Variants in PCDHGA1 observed in about 807,000 individuals in gnomAD.
The protein encoded by PCDHGA1 is protocadherin gamma subfamily A, 1.
PCDHGA1 carries 32 observed loss-of-function variants against 58.0 expected under a neutral mutation model. The observed-to-expected ratio is 0.55, with a 90% confidence interval of 0.42 to 0.74. The LOEUF (loss-of-function observed/expected upper bound fraction) is 0.74, where lower values mean the gene tolerates loss of function less well. Ranked by LOEUF, PCDHGA1 falls within the 30% of genes least tolerant of loss-of-function variation. The pLI, the probability that PCDHGA1 is intolerant of heterozygous loss-of-function variation, is 0.00. For missense variants in PCDHGA1, 1,205 were observed against 1,182.3 expected (o/e 1.02, Z -0.28); for synonymous variants, 498 against 501.1 (o/e 0.99, Z 0.08).
At chr5:141,460,465 AAAGG>A (rs2098989932) in intron 1 of PCDHGA1, among the ~76,000 whole-genome samples, 1 of 152,088 alleles carries the variant, frequency 6.6e-6, no homozygotes, top group Non-Finnish European at 1.5e-5. Context: ...ATTTTTTTCC[AAAGG>A]AATATCCAAT....
At chr5:141,399,825 C>G (rs1439243162) in intron 1 of PCDHGA1, 14 of 1,613,060 alleles carry the variant, frequency 8.7e-6, no homozygotes, top group Non-Finnish European at 1.2e-5. Context: ...TGGGTCCCGA[C>G]GGCTCTGCGC....
intron 1 of PCDHGA1, among the ~76,000 whole-genome samples, chr5:141,434,616 T>C (rs911085192): frequency 1.3e-5 from 2 of 152,204 alleles, no homozygotes; most frequent in East Asian, 1.9e-4. Context: ...TCCGCCCATC[T>C]CTTCGTTTCC....
At chr5:141,394,753 A>G (rs2093084981) in intron 1 of PCDHGA1, 1 of 1,613,278 alleles carries the variant, frequency 6.2e-7, no homozygotes, top group Admixed American at 1.7e-5. Context: ...GTGGCCGTCC[A>G]GGACCATGGC....
At chr5:141,344,597 G>C (rs199666918) in intron 1 of PCDHGA1, 1 of 1,613,810 alleles carries the variant, frequency 6.2e-7, no homozygotes, top group African/African-American at 1.3e-5. Flanking sequence ...TCTCTGAGGG[G>C]GCCAAGTATC....
At chr5:141,488,011 T>C (rs1424799954) in intron 1 of PCDHGA1, among the ~76,000 whole-genome samples, 1 of 152,182 alleles carries the variant, frequency 6.6e-6, no homozygotes, top group Non-Finnish European at 1.5e-5. Context: ...GATTCTGAAG[T>C]ACCTTAACTC....
rs748223478 is a variant in PCDHGA1 at position 141,415,687 on chromosome 5, G to T, written c.2422-79120G>T. ...TTACTTTGAAGTTTGCGGCATGATG[G>T]TGGAAAGTGTAAATGCTAAAACACT... On this transcript the variant is annotated intron_variant, in intron 1 of 3. Coordinates refer to ENST00000517417, the MANE Select transcript of PCDHGA1 (RefSeq NM_018912.3). 1.1e-5 allele frequency: 17 copies of T among 1,535,300 alleles called. No individual in the cohort carries two copies. In the South Asian group the frequency reaches 1.3e-4, roughly 12 times the overall value.
chr5:141,385,418 A>T (rs1317845643), intron 1 of PCDHGA1: 10 of 1,466,496 alleles, frequency 6.8e-6, no homozygotes, highest in Non-Finnish European at 8.1e-6. Context: ...ATAGGGATTT[A>T]AAAAACTTTA....
intron 1 of PCDHGA1, chr5:141,415,362 G>A (rs769596449): frequency 4.3e-6 from 7 of 1,614,126 alleles, no homozygotes; most frequent in African/African-American, 1.3e-5. Context: ...CACGCCTGCT[G>A]CAGGCTTCAG....
At chr5:141,393,167 G>C (rs889451396) in intron 1 of PCDHGA1, 17 of 1,613,166 alleles carry the variant, frequency 1.1e-5, no homozygotes, top group East Asian at 2.2e-5. Context: ...AACTCTTTGG[G>C]GTAGAAATAG....
intron 1 of PCDHGA1, chr5:141,392,909 C>T: frequency 1.2e-6 from 2 of 1,613,876 alleles, no homozygotes; most frequent in Admixed American, 3.3e-5. Flanking sequence ...GACAGATTCG[C>T]TACTCTGTGC....
chr5:141,370,805 C>A, intron 1 of PCDHGA1: 2 of 1,614,026 alleles, frequency 1.2e-6, no homozygotes, highest in Non-Finnish European at 1.7e-6. Context: ...GCCAAAATAT[C>A]ACTGAGCTGG....
At chr5:141,408,815 C>T (rs770899981) in intron 1 of PCDHGA1, 1 of 1,613,406 alleles carries the variant, frequency 6.2e-7, no homozygotes, top group Non-Finnish European at 8.5e-7. Flanking sequence ...CCGGGAAGAA[C>T]AGAGATCTCA....
At chr5:141,415,754 T>TTG in intron 1 of PCDHGA1, 4 of 1,385,736 alleles carry the variant, frequency 2.9e-6, no homozygotes, top group South Asian at 1.7e-5. Flanking sequence ...TTTTTTTTTT[T>TTG]TTTTTTTTTT....
At chr5:141,368,813 A>G (rs529134948) in intron 1 of PCDHGA1, among the ~76,000 whole-genome samples, 1 of 152,204 alleles carries the variant, frequency 6.6e-6, no homozygotes, top group African/African-American at 2.4e-5. Flanking sequence ...TGAAGTGTTC[A>G]TACAATGAAC....
At chr5:141,365,366 G>T (rs764735476) in intron 1 of PCDHGA1, 1 of 1,613,792 alleles carries the variant, frequency 6.2e-7, no homozygotes, top group South Asian at 1.1e-5. Context: ...CAATGCCCCC[G>T]AAGTGATCCT....
At chr5:141,405,505 C>T (rs573282216) in intron 1 of PCDHGA1, 22 of 751,126 alleles carry the variant, frequency 2.9e-5, no homozygotes, top group Admixed American at 1.7e-4. Flanking sequence ...TTGCAACCTC[C>T]GCCTCCCAAA....
chr5:141,428,367 G>C, intron 1 of PCDHGA1: 1 of 546,792 alleles, frequency 1.8e-6, no homozygotes, highest in South Asian at 1.9e-5. Context: ...CGGTCGCCTT[G>C]CACCTGCGAT....
chr5:141,487,143 C>T lies in PCDHGA1; in HGVS notation c.2422-7664C>T. Reference sequence around the variant, plus strand: ...GATAGTGGTAGTCCACCACTCTCTACCTCTGTTACTCTCTTAGTGTCCTTA... The same window carrying T: ...GATAGTGGTAGTCCACCACTCTCTATCTCTGTTACTCTCTTAGTGTCCTTA... On this transcript the variant is annotated intron_variant, in intron 1 of 3. Coordinates refer to ENST00000517417, the MANE Select transcript of PCDHGA1 (RefSeq NM_018912.3). This position sits in a 1 kb window ranked among gnomAD's most constrained non-coding sequence, Gnocchi z 5.0. 1.2e-6 allele frequency: 2 copies of T among 1,614,028 alleles called. No homozygotes were observed. Among genetic ancestry groups the T allele is most frequent in the Non-Finnish European group, 1.7e-6 (2 of 1,179,862 alleles).
Position 141,331,349 on chromosome 5 carries a change from G to C in PCDHGA1, c.665G>C (p.Arg222Pro). 6.2e-7 allele frequency: 1 copy of C among 1,614,154 alleles called. No individual in the cohort carries two copies. The highest frequency in any genetic ancestry group is 8.5e-7 in the Non-Finnish European group (1 of 1,180,030). ...LTASDGGEPV[R>P]SGTLRIYIQV... Reference sequence around the variant, plus strand: ...GCTTCTGATGGGGGTGAACCAGTCCGTTCAGGGACCCTCAGAATTTACATT... The same window carrying C: ...GCTTCTGATGGGGGTGAACCAGTCCCTTCAGGGACCCTCAGAATTTACATT... The change falls in exon 1 of 4, where the codon CGT becomes CCT. Residue 222 changes from arginine to proline, a missense_variant. By Grantham distance (103) the Arg-to-Pro change is moderately radical. Transcript: ENST00000517417.
Sources: allele counts gnomAD v4.1 joint callset (sites outside exome capture counted in the v4.1 genomes callset), GRCh38; gene constraint gnomAD v4.1.1; non-coding constraint Gnocchi (gnomAD v3.1); transcripts MANE v1.5; gene names NCBI Gene and HGNC (gene_info 2026-07-23, HGNC 2026-07-21).